The following CC2D2A variants were observed in gnomAD, a reference collection of about 807,000 sequenced individuals.
CC2D2A encodes the protein coiled-coil and C2 domain containing 2A, also known as coiled-coil and C2 domain-containing protein 2A.
In CC2D2A, 155 loss-of-function variants were observed where a neutral mutation model predicts 212.9. The ratio of observed to expected loss-of-function variants is 0.73; its 90% CI spans 0.64 to 0.83. The LOEUF is 0.83. CC2D2A is among the 40% of genes least tolerant of loss of function. The pLI, the probability that CC2D2A is intolerant of heterozygous loss-of-function variation, is 0.00. For synonymous variants in CC2D2A, 667 were observed against 686.5 expected (o/e 0.97, Z 0.44); for missense variants, 1,856 against 1,956.2 (o/e 0.95, Z 0.97).
chr4:15,503,261 C>A (rs1716069029), intron 6 of CC2D2A, among the ~76,000 whole-genome samples: 1 of 152,088 alleles, frequency 6.6e-6, no homozygotes, highest in South Asian at 2.1e-4. Flanking sequence ...TATGATTAGG[C>A]CACTGCAGTC....
At chr4:15,594,236 A>C (rs1721224961) in intron 33 of CC2D2A, among the ~76,000 whole-genome samples, 1 of 152,118 alleles carries the variant, frequency 6.6e-6, no homozygotes, top group African/African-American at 2.4e-5. Flanking sequence ...TTTCTGATGA[A>C]AAGTGATTTT....
intron 17 of CC2D2A, among the ~76,000 whole-genome samples, chr4:15,542,988 G>A (rs1470203838): frequency 6.6e-6 from 1 of 152,200 alleles, no homozygotes; most frequent in Non-Finnish European, 1.5e-5. Flanking sequence ...AGGAAGCGGT[G>A]CCAAGAAATA....
intron 32 of CC2D2A, among the ~76,000 whole-genome samples, 193 bp downstream of exon 32, chr4:15,588,122 C>T (rs1720936079): frequency 6.6e-6 from 1 of 152,172 alleles, no homozygotes; most frequent in Non-Finnish European, 1.5e-5. Flanking sequence ...CCTCAGGGCC[C>T]CATGCAACAC....
At chr4:15,537,536 G>A (rs1381924483) in intron 15 of CC2D2A, among the ~76,000 whole-genome samples, 1 of 152,170 alleles carries the variant, frequency 6.6e-6, no homozygotes, top group Non-Finnish European at 1.5e-5. Context: ...TGCTCACTGT[G>A]CTTACATGCC....
chr4:15,520,905 G>A (rs1195397266), intron 11 of CC2D2A, among the ~76,000 whole-genome samples: 1 of 152,182 alleles, frequency 6.6e-6, no homozygotes, highest in African/African-American at 2.4e-5. Flanking sequence ...TCTCCAGTCA[G>A]ACATGTCCTT....
rs569969789 is a variant in CC2D2A, at chr4:15,530,121, G to A, written c.1466+1395G>A. 1.8e-3 allele frequency among the ~76,000 whole-genome samples: 277 copies of A among 151,870 alleles called. 1 individual carries two copies. Among genetic ancestry groups the A allele is most frequent in the Admixed American group, 4.1e-3 (63 of 15,260 alleles). ...CGAGTAGCTGGGACTACAGGCGCCC[G>A]CCACTACGCCAGGCTAATTTTTTGT... On this transcript the variant is annotated intron_variant, in intron 13 of 36. Coordinates refer to ENST00000424120, the MANE Select transcript of CC2D2A (RefSeq NM_001378615.1).
intron 17 of CC2D2A, among the ~76,000 whole-genome samples, chr4:15,541,229 G>C (rs1173532053): frequency 6.6e-6 from 1 of 152,048 alleles, no homozygotes; most frequent in Non-Finnish European, 1.5e-5. Flanking sequence ...TGAGGCAGGA[G>C]AATCTCTTGA....
At chr4:15,528,543 A>G (rs1233467784) in intron 12 of CC2D2A, 77 bp from the exon 13 acceptor site, 1 of 1,180,334 alleles carries the variant, frequency 8.5e-7, no homozygotes, top group African/African-American at 1.5e-5. Flanking sequence ...TTTGCCCAGG[A>G]GAAGTGGGTG....
At chr4:15,522,718 T>C (rs1010450941) in intron 11 of CC2D2A, among the ~76,000 whole-genome samples, 2 of 152,126 alleles carry the variant, frequency 1.3e-5, no homozygotes, top group African/African-American at 4.8e-5. Flanking sequence ...TAAGAAGTAA[T>C]TAGTGCAAAA....
At chr4:15,579,662 A>G (rs1390195388) in intron 29 of CC2D2A, among the ~76,000 whole-genome samples, 5 of 152,220 alleles carry the variant, frequency 3.3e-5, no homozygotes, top group Non-Finnish European at 1.5e-5. Context: ...AGCCTCATCA[A>G]TCAGAATTAG....
intron 36 of CC2D2A, among the ~76,000 whole-genome samples, chr4:15,600,084 T>C (rs1254174798): frequency 6.6e-6 from 1 of 152,210 alleles, no homozygotes; most frequent in African/African-American, 2.4e-5. Context: ...TGGTTATTAA[T>C]AGACGATATA....
chr4:15,558,074 G>A (rs1345741118), intron 21 of CC2D2A, among the ~76,000 whole-genome samples: 2 of 152,192 alleles, frequency 1.3e-5, no homozygotes, highest in Admixed American at 1.3e-4. Flanking sequence ...CAGGTGTGGG[G>A]TGGAGGAGCC....
intron 33 of CC2D2A, among the ~76,000 whole-genome samples, chr4:15,592,069 CACA>C (rs1440645896): frequency 1.3e-5 from 2 of 151,904 alleles, no homozygotes; most frequent in Non-Finnish European, 2.9e-5. Context: ...TACTCCACCA[CACA>C]ACTTCTTTGG....
At chr4:15,495,238 A>G (rs1372983131) in intron 4 of CC2D2A, among the ~76,000 whole-genome samples, 1 of 152,016 alleles carries the variant, frequency 6.6e-6, no homozygotes, top group Non-Finnish European at 1.5e-5. Flanking sequence ...CCTCCCATGT[A>G]GAGGGGATTA....
intron 1 of CC2D2A, among the ~76,000 whole-genome samples, chr4:15,470,964 GC>G (rs1196429626): frequency 3.9e-5 from 6 of 151,974 alleles, no homozygotes; most frequent in African/African-American, 1.4e-4. Context: ...CCAGGGAGGG[GC>G]TTCCAGTACT....
chr4:15,564,732 C>T (rs1719803618), intron 24 of CC2D2A, among the ~76,000 whole-genome samples: 1 of 152,128 alleles, frequency 6.6e-6, no homozygotes, highest in East Asian at 1.9e-4. Context: ...AGGCTGAGTA[C>T]AGTGGTGCTA....
intron 3 of CC2D2A, chr4:15,479,084 A>G: frequency 1.4e-6 from 1 of 728,804 alleles, no homozygotes; most frequent in South Asian, 1.5e-5. Context: ...AGGACTCTAG[A>G]AAAGATGGAA....
At chr4:15,531,623 C>T (rs920688681) in intron 13 of CC2D2A, among the ~76,000 whole-genome samples, 1 of 152,060 alleles carries the variant, frequency 6.6e-6, no homozygotes, top group African/African-American at 2.4e-5. Flanking sequence ...TTCCTGACTC[C>T]CTAATCAAAA....
intron 13 of CC2D2A, among the ~76,000 whole-genome samples, chr4:15,531,091 C>T (rs1474199081): frequency 6.6e-6 from 1 of 152,176 alleles, no homozygotes; most frequent in Non-Finnish European, 1.5e-5. Flanking sequence ...TACTTTATCT[C>T]TATATTTCCT....
Sources: gnomAD v4.1 joint callset for allele counts (sites outside exome capture counted in the v4.1 genomes callset) on GRCh38, gnomAD v4.1.1 for gene constraint, MANE v1.5 for transcripts, NCBI Gene and HGNC (gene_info 2026-07-23, HGNC 2026-07-21) for gene names.